C10orf67: variants seen among roughly 807,000 people sequenced by gnomAD.
C10orf67 encodes the protein chromosome 10 open reading frame 67.
C10orf67 carries 60 observed loss-of-function variants against 35.6 expected under a neutral mutation model. The ratio of observed to expected loss-of-function variants is 1.68; its 90% CI spans 1.37 to 2.09. The LOEUF is 2.09. Ranked by LOEUF, C10orf67 falls within the 30% of genes most tolerant of loss-of-function variation. The probability of loss-of-function intolerance (pLI) is 0.00; values close to 1 mark genes in which losing one functional copy is unlikely to be tolerated. For missense variants in C10orf67, 474 were observed against 330.2 expected (o/e 1.44, Z -3.38); for synonymous variants, 167 against 115.8 (o/e 1.44, Z -2.84).
chr10:23,291,380 T>G (rs1843715159), intron 5 of C10orf67, 101 bp from the exon 6 acceptor site: 1 of 609,264 alleles, frequency 1.6e-6, no homozygotes, highest in Non-Finnish European at 2.9e-6. Context: ...TATAATTTTC[T>G]GAATTCTATT....
intron 4 of C10orf67, among the ~76,000 whole-genome samples, chr10:23,314,595 G>T (rs565229138): frequency 3.3e-5 from 5 of 151,906 alleles, no homozygotes; most frequent in African/African-American, 1.2e-4. Flanking sequence ...GGTCTCCCAA[G>T]GCTGCAATTA....
Position 23,252,936 on chromosome 10 carries a change from G to T in C10orf67, c.1201-2245C>A, listed in dbSNP as rs537446710. Among the ~76,000 whole-genome samples, 19 of 151,560 alleles carry T rather than the reference G, an allele frequency of 1.3e-4. No homozygotes were observed. The South Asian group carries it at 3.1e-3, about 25-fold the overall frequency. The stretch of plus-strand genomic sequence containing the variant: ...ACCTGGTGGGAGATGATTGAATCAC[G>T]GTGGCGGGTCTTTCCCATGTTGTTC... On this transcript the variant is annotated intron_variant, in intron 10 of 15. Transcript: ENST00000636213.
At chr10:23,232,281 T>A (rs528390130) in intron 13 of C10orf67, among the ~76,000 whole-genome samples, 1 of 152,278 alleles carries the variant, frequency 6.6e-6, no homozygotes, top group Admixed American at 6.5e-5. Flanking sequence ...TCTTCTCTAC[T>A]TAGACTTGAC....
Position 23,282,386 on chromosome 10 carries a change from T to C in C10orf67, c.910-308A>G, listed in dbSNP as rs981130559. On this transcript the variant is annotated intron_variant, in intron 7 of 15. Transcript: ENST00000636213. ...GAACAATTTTACTTAAGGCTTTATG[T>C]GACCCATCTCTTATTTTAGGGTTTT... is the stretch of plus-strand genomic sequence containing the variant. Among the ~76,000 whole-genome samples the C allele has an allele frequency of 2.8e-4, 42 of 152,238 alleles. 1 individual carries two copies. Among genetic ancestry groups the C allele is most frequent in the Non-Finnish European group, 7.3e-5 (5 of 68,044 alleles).
intron 10 of C10orf67, among the ~76,000 whole-genome samples, chr10:23,256,214 C>T (rs1310556419): frequency 6.6e-6 from 1 of 152,068 alleles, no homozygotes; most frequent in African/African-American, 2.4e-5. Flanking sequence ...GTTCCCCAGG[C>T]TGGTCTTGAA....
Position 23,322,571 on chromosome 10 carries a change from A to G in C10orf67, c.328-34T>C, listed in dbSNP as rs1254432908. On this transcript the variant is annotated intron_variant, in intron 2 of 15. Coordinates refer to ENST00000636213, the MANE Select transcript of C10orf67 (RefSeq NM_001371909.1). Reference sequence around the variant, plus strand: ...GGAAAATATTATCCTTAGCGAAGTAACACAGGAACAGAAAACCAAATACTG... The same window carrying G: ...GGAAAATATTATCCTTAGCGAAGTAGCACAGGAACAGAAAACCAAATACTG... 2.1e-6 allele frequency: 3 copies of G among 1,447,780 alleles called. No homozygotes were observed. The East Asian group carries it at 6.9e-5, about 33-fold the overall frequency. 89.7% of individuals were successfully genotyped at this position (1,447,780 alleles called of 1,614,324 possible).
intron 1 of C10orf67, chr10:23,343,795 A>G: frequency 2.8e-6 from 1 of 351,834 alleles, no homozygotes; most frequent in South Asian, 2.2e-5. Flanking sequence ...AAAACAAACA[A>G]AAAACTGAAG....
At chr10:23,302,185 T>A (rs1378324651) in intron 5 of C10orf67, among the ~76,000 whole-genome samples, 1 of 151,458 alleles carries the variant, frequency 6.6e-6, no homozygotes, top group African/African-American at 2.4e-5. Context: ...AATCTATTAA[T>A]AATTATTAAT....
At chr10:23,231,846 A>G (rs1260556313) in intron 13 of C10orf67, among the ~76,000 whole-genome samples, 3 of 152,230 alleles carry the variant, frequency 2.0e-5, no homozygotes, top group East Asian at 1.9e-4. Flanking sequence ...TAGCATCAGC[A>G]TGAATGAATC....
chr10:23,209,668 T>A (rs1238706536), intron 15 of C10orf67, among the ~76,000 whole-genome samples: 1 of 152,088 alleles, frequency 6.6e-6, no homozygotes, highest in Non-Finnish European at 1.5e-5. Context: ...TATATATAAT[T>A]TTTATTTGTC....
chr10:23,234,413 T>C (rs1223028200), intron 13 of C10orf67, among the ~76,000 whole-genome samples: 1 of 152,046 alleles, frequency 6.6e-6, no homozygotes, highest in Non-Finnish European at 1.5e-5. Flanking sequence ...CTTAGCAAAA[T>C]AATGCGGGAA....
chr10:23,255,039 C>T (rs921755828), intron 10 of C10orf67, among the ~76,000 whole-genome samples: 1 of 152,138 alleles, frequency 6.6e-6, no homozygotes, highest in African/African-American at 2.4e-5. Context: ...CATTTTTTAA[C>T]CTGCCATGCA....
chr10:23,279,684 G>A (rs991503818), intron 8 of C10orf67, among the ~76,000 whole-genome samples: 35 of 152,058 alleles, frequency 2.3e-4, no homozygotes, highest in Non-Finnish European at 8.8e-5. Context: ...ATAAGTGAAA[G>A]CCACTCAGCC....
intron 13 of C10orf67, among the ~76,000 whole-genome samples, chr10:23,226,702 T>C (rs1318306864): frequency 1.3e-5 from 2 of 151,352 alleles, no homozygotes; most frequent in Non-Finnish European, 2.9e-5. Context: ...GCAAGACTAA[T>C]AAAGAAGAAA....
At chr10:23,237,480 T>C (rs1842079548) in intron 13 of C10orf67, among the ~76,000 whole-genome samples, 1 of 151,330 alleles carries the variant, frequency 6.6e-6, no homozygotes, top group Non-Finnish European at 1.5e-5. Context: ...TTATAGCAGC[T>C]TTTTTTTTCA....
intron 2 of C10orf67, among the ~76,000 whole-genome samples, chr10:23,325,367 A>C (rs1370360823): frequency 6.6e-6 from 1 of 151,798 alleles, no homozygotes; most frequent in African/African-American, 2.4e-5. Flanking sequence ...ACAAAAATGA[A>C]ACCTACCTCT....
At chr10:23,323,952 T>TACACACACACACACAC (rs747699026) in intron 2 of C10orf67, among the ~76,000 whole-genome samples, 6 of 64,700 alleles carry the variant, frequency 9.3e-5, no homozygotes, top group African/African-American at 2.7e-4. Context: ...TATATATATA[T>TACACACACACACACAC]ACACACACAC....
At chr10:23,282,814 G>C (rs1696802142) in intron 7 of C10orf67, among the ~76,000 whole-genome samples, 1 of 152,216 alleles carries the variant, frequency 6.6e-6, no homozygotes, top group Middle Eastern at 3.4e-3. Context: ...CTAGAAACAA[G>C]ACCCTGTCTT....
At chr10:23,256,706 A>T (rs1564474680) in intron 10 of C10orf67, among the ~76,000 whole-genome samples, 1 of 151,604 alleles carries the variant, frequency 6.6e-6, no homozygotes, top group Non-Finnish European at 1.5e-5. Context: ...CCTGTCCCTT[A>T]CCAGATACTC....
Sources: gnomAD v4.1 joint callset for allele counts (sites outside exome capture counted in the v4.1 genomes callset) on GRCh38, gnomAD v4.1.1 for gene constraint, MANE v1.5 for transcripts, NCBI Gene and HGNC (gene_info 2026-07-23, HGNC 2026-07-21) for gene names.